The following MGA variants were observed in gnomAD, a reference collection of about 807,000 sequenced individuals.
The protein encoded by MGA is MAX dimerization protein MGA.
A neutral mutation model predicts 261.1 loss-of-function variants in MGA; 40 were observed. That is an observed-to-expected ratio of 0.15 (90% CI 0.12 to 0.20). The LOEUF is 0.20. Among genes scored for constraint, MGA ranks in the 10% least tolerant of loss-of-function variants. The probability of loss-of-function intolerance (pLI) is 1.00; values close to 1 mark genes in which losing one functional copy is unlikely to be tolerated. For missense variants in MGA, 3,397 were observed against 3,630.5 expected (o/e 0.94, Z 1.65); for synonymous variants, 1,302 against 1,290.6 (o/e 1.01, Z -0.19).
chr15:41,762,415 T>A, intron 22 of MGA, 53 bp downstream of exon 22: 2 of 1,298,984 alleles, frequency 1.5e-6, no homozygotes, highest in Non-Finnish European at 2.2e-6. Context: ...CAGTTGACTT[T>A]AGTGGACTGA....
chr15:41,711,700 A>AT (rs2060394358), intron 8 of MGA, among the ~76,000 whole-genome samples: 1 of 152,004 alleles, frequency 6.6e-6, no homozygotes, highest in Non-Finnish European at 1.5e-5. Flanking sequence ...TTGTGCTTTT[A>AT]TTTTTTATTT....
chr15:41,654,519 A>C (rs573072113), intron 1 of MGA, among the ~76,000 whole-genome samples: 63 of 152,298 alleles, frequency 4.1e-4, no homozygotes, highest in Non-Finnish European at 7.5e-4. Context: ...TGCGTTGATC[A>C]CCATAGCTCT....
intron 2 of MGA, among the ~76,000 whole-genome samples, chr15:41,678,369 G>T (rs1265061019): frequency 6.6e-6 from 1 of 151,880 alleles, no homozygotes; most frequent in East Asian, 2.0e-4. Context: ...GGGATTACAG[G>T]CATGAGCCAC....
chr15:41,655,848 A>G (rs4924568), upstream of MGA, among the ~76,000 whole-genome samples: 112,845 of 152,140 alleles, frequency 0.74, 43,432 homozygotes, highest in East Asian at 0.89. Flanking sequence ...GGATATAACT[A>G]CGTAATATAA....
rs28650848 is a variant in MGA at position 41,648,824 on chromosome 15, A to G, written c.-67-20004A>G. On this transcript the variant is annotated intron_variant, in intron 1 of 8. Coordinates refer to the MGA transcript ENST00000566718. ...AAGCTAATGGAAGGTTAAAAATGGC[A>G]GAAATGGCATGAACTGATTTATGTT... is the stretch of plus-strand genomic sequence containing the variant. Among the ~76,000 whole-genome samples, 325 of 152,302 alleles carry G rather than the reference A, an allele frequency of 2.1e-3. 1 individual carries two copies. The highest frequency in any genetic ancestry group is 3.9e-3 in the Admixed American group (59 of 15,286).
At chr15:41,695,410 A>G (rs1419073378) in intron 2 of MGA, among the ~76,000 whole-genome samples, 2 of 152,084 alleles carry the variant, frequency 1.3e-5, no homozygotes, top group South Asian at 2.1e-4. Context: ...AATGGTCTCA[A>G]TCTCTTGACC....
intron 1 of MGA, among the ~76,000 whole-genome samples, chr15:41,636,892 G>A (rs2056720935): frequency 6.6e-6 from 1 of 152,038 alleles, no homozygotes; most frequent in African/African-American, 2.4e-5. Flanking sequence ...CATGGATTTT[G>A]GTATCTGCAA....
rs1339635196 is a variant in MGA, at chr15:41,669,953, T to G, written c.1059T>G (p.Ser353=). The change falls in exon 2 of 24, where the codon TCT becomes TCG. Residue 353 remains serine, a synonymous_variant. Coordinates refer to ENST00000219905, the MANE Select transcript of MGA (RefSeq NM_001164273.2). ...TTCCTCAATTGAAGCAAGAGATTTC[T>G]GAATGGTAAGTAGTAGTTTTTCTGT... 6.2e-7 allele frequency: 1 copy of G among 1,609,860 alleles called. No homozygotes were observed. Among genetic ancestry groups the G allele is most frequent in the Admixed American group, 1.7e-5 (1 of 59,612 alleles).
At chr15:41,707,922 G>A (rs890426892) in intron 6 of MGA, 63 bp downstream of exon 6, 55 of 1,558,866 alleles carry the variant, frequency 3.5e-5, no homozygotes, top group Non-Finnish European at 4.3e-5. Context: ...TATTTGTAAC[G>A]TAAGTAAAAA....
At chr15:41,748,500 C>T in intron 15 of MGA, 137 bp from the exon 16 acceptor site, 5 of 892,798 alleles carry the variant, frequency 5.6e-6, no homozygotes, top group Non-Finnish European at 8.3e-6. Context: ...AGGTTGTAGT[C>T]AGTCGAGGTT....
At chr15:41,765,439 G>A (rs2063749841) in intron 23 of MGA, among the ~76,000 whole-genome samples, 1 of 152,210 alleles carries the variant, frequency 6.6e-6, no homozygotes, top group Non-Finnish European at 1.5e-5. Flanking sequence ...TTCACTTTGA[G>A]CACTACTCTG....
rs765859734 is a variant in MGA, at chr15:41,696,799, G to A, written c.1789G>A (p.Ala597Thr). ...AACTATGCTTAAGATTGCAACAGCC[G>A]CAAAGGTAGTGAATGCTAATCAGAA... is the stretch of plus-strand genomic sequence containing the variant. The change falls in exon 3 of 24, where the codon GCA becomes ACA. Residue 597 changes from alanine (A) to threonine (T), a missense_variant. Ala to Thr is a moderately conservative substitution (Grantham distance 58, BLOSUM62 0). Transcript: ENST00000219905. 31 of 1,603,182 alleles carry A rather than the reference G, an allele frequency of 1.9e-5. No homozygotes were observed. In the East Asian group the frequency reaches 2.9e-4, roughly 15 times the overall value.
In MGA at chr15:41,665,029, A is replaced by G. The variant is rs185652139; in HGVS notation, c.-67-3799A>G. Among the ~76,000 whole-genome samples, 24 of 152,258 alleles carry G rather than the reference A, an allele frequency of 1.6e-4. No individual in the cohort carries two copies. The East Asian group carries it at 4.2e-3, about 27-fold the overall frequency. On this transcript the variant is annotated intron_variant, in intron 1 of 23. Transcript: ENST00000219905. Reference sequence around the variant, plus strand: ...CTTTAGTGTTGGGAAGTGAATTTCTATTTTTATCTCTAGTCATAATAGGAA... The same window carrying G: ...CTTTAGTGTTGGGAAGTGAATTTCTGTTTTTATCTCTAGTCATAATAGGAA...
In MGA at chr15:41,710,920, T is replaced by C. The variant is rs2060355084; in HGVS notation, c.2655T>C (p.Ser885=). 6.2e-7 allele frequency: 1 copy of C among 1,614,002 alleles called. No homozygotes were observed. The highest frequency in any genetic ancestry group is 8.5e-7 in the Non-Finnish European group (1 of 1,179,886). The change falls in exon 8 of 24, where the codon TCT becomes TCC. Residue 885 remains serine, a synonymous_variant. Coordinates refer to ENST00000219905, the MANE Select transcript of MGA (RefSeq NM_001164273.2). ...CTATTTCCCCTTCTACCTCTTATTC[T>C]TTGAAACCTCATTCTGTACCCCCTG... is the stretch of plus-strand genomic sequence containing the variant.
chr15:41,661,500 T>C (rs1229859568), intron 1 of MGA, among the ~76,000 whole-genome samples: 1 of 152,138 alleles, frequency 6.6e-6, no homozygotes, highest in Non-Finnish European at 1.5e-5. Flanking sequence ...GGGAATGCCT[T>C]CTTTCTCTGG....
At chr15:41,639,135 T>C (rs991474544) in intron 1 of MGA, among the ~76,000 whole-genome samples, 24 of 152,162 alleles carry the variant, frequency 1.6e-4, no homozygotes, top group African/African-American at 5.3e-4. Context: ...GGGATCATAA[T>C]GTCTTCTTTT....
chr15:41,674,156 G>A (rs2058242685), intron 2 of MGA, among the ~76,000 whole-genome samples: 1 of 151,930 alleles, frequency 6.6e-6, no homozygotes, highest in South Asian at 2.1e-4. Context: ...CTTCCCAAGT[G>A]CTGGATTACA....
At chr15:41,645,890 T>C (rs2056926279) in intron 1 of MGA, among the ~76,000 whole-genome samples, 2 of 152,190 alleles carry the variant, frequency 1.3e-5, no homozygotes, top group African/African-American at 4.8e-5. Context: ...TGAAATGACT[T>C]TGTGGCAGCA....
At chr15:41,628,780 C>G (rs2056520469) in intron 1 of MGA, among the ~76,000 whole-genome samples, 2 of 152,104 alleles carry the variant, frequency 1.3e-5, no homozygotes, top group South Asian at 4.1e-4. Context: ...ATTCATTGGA[C>G]AGTTTTGTGC....
Sources: allele counts gnomAD v4.1 joint callset (sites outside exome capture counted in the v4.1 genomes callset), GRCh38; gene constraint gnomAD v4.1.1; transcripts MANE v1.5; gene names NCBI Gene and HGNC (gene_info 2026-07-23, HGNC 2026-07-21).